The following KAT6A variants were observed in gnomAD, a reference collection of about 807,000 sequenced individuals.
The protein encoded by KAT6A is lysine acetyltransferase 6A.
In KAT6A, 9 loss-of-function variants were observed where a neutral mutation model predicts 198.4. The observed-to-expected ratio is 0.05, with a 90% confidence interval of 0.03 to 0.08. KAT6A has a LOEUF of 0.08. Among genes scored for constraint, KAT6A ranks in the 10% least tolerant of loss-of-function variants. The pLI is 1.00. For synonymous variants in KAT6A, 890 were observed against 883.0 expected, an observed-to-expected ratio of 1.01 and a Z score of -0.14; for missense variants, 2,077 against 2,509.9, an observed-to-expected ratio of 0.83 and a Z score of 3.69.
At chr8:41,940,488 TACTTTA>T (rs1318652099) in intron 15 of KAT6A, among the ~76,000 whole-genome samples, 1 of 152,182 alleles carries the variant, frequency 6.6e-6, no homozygotes, top group Non-Finnish European at 1.5e-5. Context: ...AATCTGTACA[TACTTTA>T]AAAATATCTT....
In KAT6A at chr8:41,978,761, T is replaced by G; in HGVS notation, c.924A>C (p.Gln308His). 6.2e-7 allele frequency: 1 copy of G among 1,613,914 alleles called. No individual in the cohort carries two copies. Among genetic ancestry groups the G allele is most frequent in the Non-Finnish European group, 8.5e-7 (1 of 1,179,894 alleles). Residue 308 changes from glutamine to histidine, a missense_variant, in exon 6 of 17, where the codon CAA becomes CAC. This residue lies in a region of KAT6A where 89 missense variants were observed against 154.4 expected (regional missense o/e 0.58). Transcript: ENST00000265713. ...GTCCTTTTTTCCTAGGTCGACATATTTGACATATCCACATGCCTATAAAAA... is the reference window on the plus strand; with the variant it reads ...GTCCTTTTTTCCTAGGTCGACATATGTGACATATCCACATGCCTATAAAAA... The part of the protein sequence containing the change: ...TRMPKGMWIC[Q>H]ICRPRKKGRK...
At chr8:41,959,050 T>C (rs1381919363) in intron 8 of KAT6A, among the ~76,000 whole-genome samples, 1 of 149,924 alleles carries the variant, frequency 6.7e-6, no homozygotes, top group Non-Finnish European at 1.5e-5. Context: ...TAGTCCCAGC[T>C]ACTCAGAGGC....
At chr8:41,972,426 G>A (rs1458797189) in intron 8 of KAT6A, among the ~76,000 whole-genome samples, 2 of 152,180 alleles carry the variant, frequency 1.3e-5, no homozygotes, top group African/African-American at 2.4e-5. Context: ...AGAAAGCAAT[G>A]TTAGAGAAGA....
intron 11 of KAT6A, among the ~76,000 whole-genome samples, chr8:41,947,521 TC>T (rs1244258898): frequency 6.6e-6 from 1 of 152,208 alleles, no homozygotes; most frequent in African/African-American, 2.4e-5. Context: ...TTTAAAACCT[TC>T]CCCGTGAGTA....
intron 11 of KAT6A, 44 bp downstream of exon 11, chr8:41,947,707 G>C (rs557139723): frequency 3.3e-6 from 5 of 1,503,508 alleles, no homozygotes; most frequent in Non-Finnish European, 4.5e-6. Flanking sequence ...GATTCTTTCA[G>C]ATTTCTATAT....
chr8:41,934,387 C>G lies in KAT6A; in HGVS notation c.3833G>C (p.Arg1278Pro), dbSNP rs547730885. The G allele has an allele frequency of 6.2e-7, 1 of 1,613,694 alleles. No homozygotes were observed. The highest frequency in any genetic ancestry group is 8.5e-7 in the Non-Finnish European group (1 of 1,179,846). ...TGACTGCCTCTGCTCCTCTGAGACA[C>G]GGGGCTTCTCTTCTTCCTCCTCCAC... ...PEVEEEEEKP[R>P]VSEEQRQSEE... Residue 1278 changes from arginine (R) to proline (P), a missense_variant, in exon 17 of 17, where the codon CGT becomes CCT. This residue lies in a region of KAT6A where 375 missense variants were observed against 383.0 expected (regional missense o/e 0.98). Coordinates refer to ENST00000265713, the MANE Select transcript of KAT6A (RefSeq NM_006766.5).
At chr8:41,995,461 C>T (rs1013176411) in intron 2 of KAT6A, among the ~76,000 whole-genome samples, 1 of 152,120 alleles carries the variant, frequency 6.6e-6, no homozygotes, top group Non-Finnish European at 1.5e-5. Flanking sequence ...TTGAGGCAAA[C>T]ACAGGGTGGA....
At chr8:42,021,966 A>C (rs1251676746) in intron 2 of KAT6A, among the ~76,000 whole-genome samples, 6 of 152,126 alleles carry the variant, frequency 3.9e-5, no homozygotes, top group Admixed American at 2.6e-4. Context: ...TAATACTTTT[A>C]ATTATTGCAC....
intron 16 of KAT6A, among the ~76,000 whole-genome samples, chr8:41,935,986 G>A (rs1042517887): frequency 6.6e-6 from 1 of 152,320 alleles, no homozygotes; most frequent in African/African-American, 2.4e-5. Flanking sequence ...TGTTGGCCAG[G>A]CAGGGTGGCT....
chr8:41,986,984 A>C (rs1006150367), intron 3 of KAT6A, among the ~76,000 whole-genome samples: 1 of 152,092 alleles, frequency 6.6e-6, no homozygotes, highest in Admixed American at 6.5e-5. Flanking sequence ...GTTGCAGTGA[A>C]CCAAGATCAC....
chr8:41,934,952 GA>G, intron 16 of KAT6A, 85 bp from the exon 17 acceptor site: 1 of 1,057,492 alleles, frequency 9.5e-7, no homozygotes, highest in South Asian at 1.6e-5. Flanking sequence ...ATATACAATA[GA>G]AATGACTTTA....
intron 2 of KAT6A, among the ~76,000 whole-genome samples, chr8:42,040,735 C>CAAAAAAAAAAAAAAAAAAAAAAAAAAAAA (rs59959496): frequency 1.8e-5 from 1 of 54,672 alleles, no homozygotes; most frequent in Non-Finnish European, 3.3e-5. Context: ...GACTCTGTCT[C>CAAAAAAAAAAAAAAAAAAAAAAAAAAAAA]AAAAAAAAAA....
At chr8:42,025,703 G>A (rs1826779589) in intron 2 of KAT6A, among the ~76,000 whole-genome samples, 1 of 152,090 alleles carries the variant, frequency 6.6e-6, no homozygotes, top group South Asian at 2.1e-4. Context: ...CAATCTACAG[G>A]TTGTCTCTTC....
intron 8 of KAT6A, among the ~76,000 whole-genome samples, chr8:41,965,819 AC>A (rs1823453036): frequency 6.6e-6 from 1 of 152,030 alleles, no homozygotes; most frequent in African/African-American, 2.4e-5. Context: ...ATTTTAAGGT[AC>A]CCCCATGACA....
At chr8:42,021,088 G>T (rs1486094193) in intron 2 of KAT6A, among the ~76,000 whole-genome samples, 1 of 151,868 alleles carries the variant, frequency 6.6e-6, no homozygotes, top group African/African-American at 2.4e-5. Context: ...TTCCAAATAG[G>T]GCCAAACTGA....
intron 2 of KAT6A, among the ~76,000 whole-genome samples, chr8:42,009,894 C>CAAAAAAAAAAA (rs538642816): frequency 8.6e-4 from 42 of 48,922 alleles, no homozygotes; most frequent in Admixed American, 1.3e-3. Flanking sequence ...AGCCCTGTCT[C>CAAAAAAAAAAA]AAAAAAAAAA....
intron 8 of KAT6A, among the ~76,000 whole-genome samples, chr8:41,966,338 C>T (rs139285897): frequency 1.3e-4 from 19 of 151,970 alleles, no homozygotes; most frequent in African/African-American, 4.1e-4. Context: ...CATCTCACAC[C>T]GTCAGAAGAG....
chr8:41,997,804 C>T (rs1428746579), intron 2 of KAT6A, among the ~76,000 whole-genome samples: 1 of 152,034 alleles, frequency 6.6e-6, no homozygotes, highest in East Asian at 1.9e-4. Flanking sequence ...TAACTTTCTT[C>T]GGTGGGTATT....
At chr8:42,005,796 A>ACACACACACTCACT (rs71239089) in intron 2 of KAT6A, among the ~76,000 whole-genome samples, 1 of 148,794 alleles carries the variant, frequency 6.7e-6, no homozygotes, top group African/African-American at 2.5e-5. Flanking sequence ...ACACACACAC[A>ACACACACACTCACT]CACTCACTCT....
Sources: gnomAD v4.1 joint callset for allele counts (sites outside exome capture counted in the v4.1 genomes callset) on GRCh38, gnomAD v4.1.1 for gene constraint, gnomAD v4.1.1 regional missense constraint, MANE v1.5 for transcripts, NCBI Gene and HGNC (gene_info 2026-07-23, HGNC 2026-07-21) for gene names.